The following WWOX variants were observed in gnomAD, a reference collection of about 807,000 sequenced individuals.
The protein encoded by WWOX is WW domain-containing oxidoreductase.
In WWOX, 69 loss-of-function variants were observed where a neutral mutation model predicts 46.2. That is an observed-to-expected ratio of 1.49 (90% CI 1.23 to 1.82). The LOEUF is 1.82. Ranked by LOEUF, WWOX falls within the 40% of genes most tolerant of loss-of-function variation. The pLI, the probability that WWOX is intolerant of heterozygous loss-of-function variation, is 0.00. For missense variants in WWOX, 919 were observed against 542.6 expected (o/e 1.69, Z -6.89); for synonymous variants, 359 against 202.6 (o/e 1.77, Z -6.56).
At chr16:78,654,569 A>T (rs895000844) in intron 8 of WWOX, among the ~76,000 whole-genome samples, 7 of 151,794 alleles carry the variant, frequency 4.6e-5, no homozygotes, top group African/African-American at 1.7e-4. Flanking sequence ...TCAGATTCTG[A>T]TTTCTCCGTG....
At chr16:78,979,083 TC>T (rs1464097609) in intron 8 of WWOX, among the ~76,000 whole-genome samples, 1 of 103,382 alleles carries the variant, frequency 9.7e-6, no homozygotes, top group Non-Finnish European at 1.8e-5. Flanking sequence ...AGAATTTCAG[TC>T]TTTTTTTTTT....
At chr16:79,093,288 T>C (rs1482690130) in intron 8 of WWOX, among the ~76,000 whole-genome samples, 1 of 152,200 alleles carries the variant, frequency 6.6e-6, no homozygotes, top group Non-Finnish European at 1.5e-5. Flanking sequence ...ACTAAATACC[T>C]GTCTATTAAT....
chr16:78,572,894 C>A (rs371973029), intron 8 of WWOX, among the ~76,000 whole-genome samples: 3 of 152,034 alleles, frequency 2.0e-5, no homozygotes. Flanking sequence ...GGTAGTCATT[C>A]TATATGTTAT....
intron 5 of WWOX, among the ~76,000 whole-genome samples, chr16:78,274,181 C>G (rs780259245): frequency 1.3e-5 from 2 of 152,042 alleles, no homozygotes; most frequent in Non-Finnish European, 2.9e-5. Context: ...CTTGCTCTTC[C>G]TTCTGATTGC....
intron 8 of WWOX, among the ~76,000 whole-genome samples, chr16:78,622,505 G>C (rs763312082): frequency 8.0e-5 from 12 of 150,620 alleles, no homozygotes; most frequent in Non-Finnish European, 1.5e-4. Context: ...TCGTGCCACT[G>C]TACTCCAGCC....
At chr16:78,852,600 A>G (rs1483933719) in intron 8 of WWOX, among the ~76,000 whole-genome samples, 1 of 152,182 alleles carries the variant, frequency 6.6e-6, no homozygotes, top group Non-Finnish European at 1.5e-5. Context: ...TCAGCTAGCT[A>G]AGCTGCTCCT....
intron 8 of WWOX, among the ~76,000 whole-genome samples, chr16:79,038,616 C>G (rs1056654834): frequency 6.6e-6 from 1 of 152,164 alleles, no homozygotes. Flanking sequence ...ATGGTGCAAT[C>G]TCAGCTCACT....
chr16:78,970,321 C>G (rs542276170), intron 8 of WWOX, among the ~76,000 whole-genome samples: 9 of 152,334 alleles, frequency 5.9e-5, no homozygotes, highest in East Asian at 1.9e-4. Flanking sequence ...AGTGTAAACT[C>G]CATTTGGACT....
At chr16:78,252,632 G>C (rs1325593005) in intron 5 of WWOX, among the ~76,000 whole-genome samples, 4 of 152,158 alleles carry the variant, frequency 2.6e-5, no homozygotes, top group African/African-American at 9.6e-5. Context: ...TCACGTTCTA[G>C]AATACATCTT....
chr16:78,875,856 GT>G (rs1442024084), intron 8 of WWOX, among the ~76,000 whole-genome samples: 2 of 152,172 alleles, frequency 1.3e-5, no homozygotes, highest in Admixed American at 1.3e-4. Context: ...TTAAAAGAAT[GT>G]TTCTTCCACA....
intron 8 of WWOX, among the ~76,000 whole-genome samples, chr16:78,842,803 G>C (rs2052195657): frequency 1.5e-5 from 2 of 132,882 alleles, no homozygotes; most frequent in Admixed American, 1.5e-4. Context: ...AGTCAACCAA[G>C]ATCACGCCAC....
intron 8 of WWOX, among the ~76,000 whole-genome samples, chr16:78,867,396 C>T (rs542286729): frequency 1.3e-5 from 2 of 152,230 alleles, no homozygotes; most frequent in African/African-American, 4.8e-5. Context: ...ACACATCTTA[C>T]CTCAACTGGT....
intron 8 of WWOX, among the ~76,000 whole-genome samples, chr16:78,625,510 C>G (rs888134435): frequency 3.3e-5 from 5 of 152,162 alleles, no homozygotes; most frequent in African/African-American, 7.2e-5. Flanking sequence ...AAAGAAAAAT[C>G]AAGACTGTAG....
intron 8 of WWOX, among the ~76,000 whole-genome samples, chr16:79,147,109 G>C (rs893803808): frequency 2.0e-5 from 3 of 152,132 alleles, no homozygotes; most frequent in African/African-American, 7.2e-5. Flanking sequence ...GTGTGTATAT[G>C]TGTGTCTGTG....
intron 8 of WWOX, among the ~76,000 whole-genome samples, chr16:78,909,920 G>T (rs1397058844): frequency 6.6e-6 from 1 of 152,174 alleles, no homozygotes; most frequent in African/African-American, 2.4e-5. Flanking sequence ...CAAGCTAATT[G>T]TAATGATATT....
intron 8 of WWOX, among the ~76,000 whole-genome samples, chr16:78,478,292 AAC>A (rs1186364618): frequency 6.6e-6 from 1 of 152,200 alleles, no homozygotes; most frequent in Non-Finnish European, 1.5e-5. Context: ...GTAGAAAACA[AAC>A]ACAGTGTATC....
intron 8 of WWOX, among the ~76,000 whole-genome samples, chr16:79,059,646 C>T (rs1054824880): frequency 1.3e-5 from 2 of 152,162 alleles, no homozygotes; most frequent in East Asian, 3.9e-4. Context: ...AGGCGCATGC[C>T]ACCATGCCCG....
At chr16:79,035,608 T>C (rs1374823620) in intron 8 of WWOX, among the ~76,000 whole-genome samples, 1 of 152,184 alleles carries the variant, frequency 6.6e-6, no homozygotes. Flanking sequence ...GGTGGGATCT[T>C]GGCTCACTGC....
At chr16:78,779,373 T>C (rs2050269781) in intron 8 of WWOX, among the ~76,000 whole-genome samples, 3 of 152,274 alleles carry the variant, frequency 2.0e-5, no homozygotes, top group Non-Finnish European at 2.9e-5. Context: ...TCTTGAACTC[T>C]TGAGCTCAAG....
Sources: allele counts gnomAD v4.1 joint callset (sites outside exome capture counted in the v4.1 genomes callset), GRCh38; gene constraint gnomAD v4.1.1; transcripts MANE v1.5; gene names NCBI Gene and HGNC (gene_info 2026-07-23, HGNC 2026-07-21).